Variants in QDPR observed in about 807,000 individuals in gnomAD.
QDPR encodes the protein dihydropteridine reductase.
In QDPR, 23 loss-of-function variants were observed where a neutral mutation model predicts 31.7. The observed-to-expected ratio is 0.73, with a 90% CI of 0.52 to 1.03. QDPR has a LOEUF of 1.03. Ranked by LOEUF, QDPR falls within the 50% of genes least tolerant of loss-of-function variation. The probability of loss-of-function intolerance (pLI) is 0.00; values close to 1 mark genes in which losing one functional copy is unlikely to be tolerated. For missense variants in QDPR, 324 were observed against 323.8 expected (o/e 1.00, Z 0.00); for synonymous variants, 124 against 124.7 (o/e 0.99, Z 0.03).
intron 4 of QDPR, among the ~76,000 whole-genome samples, chr4:17,501,020 T>C (rs1323019900): frequency 6.6e-6 from 1 of 152,228 alleles, no homozygotes; most frequent in African/African-American, 2.4e-5. Flanking sequence ...CATGTGCACT[T>C]TCTACATAGC....
intron 3 of QDPR, among the ~76,000 whole-genome samples, chr4:17,503,087 A>T (rs752753050): frequency 7.9e-5 from 12 of 152,212 alleles, no homozygotes; most frequent in Non-Finnish European, 1.3e-4. Flanking sequence ...TCTAGACCCA[A>T]ATTCCAGTTC....
chr4:17,497,314 C>A (rs908294740), intron 4 of QDPR, among the ~76,000 whole-genome samples: 8 of 152,008 alleles, frequency 5.3e-5, no homozygotes, highest in Middle Eastern at 3.2e-3. Flanking sequence ...TAATACAGTG[C>A]CTTGTCTTTT....
intron 5 of QDPR, among the ~76,000 whole-genome samples, chr4:17,491,954 C>T (rs1447263754): frequency 5.3e-5 from 8 of 152,166 alleles, no homozygotes; most frequent in Admixed American, 5.2e-4. Flanking sequence ...TGAGCCCTCG[C>T]CAGGCACCAA....
Position 17,509,251 on chromosome 4 carries a change from G to T in QDPR, c.198+20C>A. On this transcript the variant is annotated intron_variant, in intron 2 of 6. Transcript: ENST00000281243. ...CCCCAGGGTTCCCCTCACAATGTTTGGGGGCCTTTTTGAAACTACCTGGTC... is the reference window on the plus strand; with the variant it reads ...CCCCAGGGTTCCCCTCACAATGTTTTGGGGCCTTTTTGAAACTACCTGGTC... 1 of 1,597,654 alleles carries T rather than the reference G, an allele frequency of 6.3e-7. No individual in the cohort carries two copies. Among genetic ancestry groups the T allele is most frequent in the Non-Finnish European group, 8.6e-7 (1 of 1,165,244 alleles).
chr4:17,508,908 G>A (rs1353524646), intron 2 of QDPR, among the ~76,000 whole-genome samples: 1 of 152,000 alleles, frequency 6.6e-6, no homozygotes, highest in East Asian at 1.9e-4. Context: ...CCTGTAATCC[G>A]AGCACTTTGG....
At chr4:17,497,290 A>G (rs921416788) in intron 4 of QDPR, among the ~76,000 whole-genome samples, 3 of 152,156 alleles carry the variant, frequency 2.0e-5, no homozygotes, top group African/African-American at 4.8e-5. Context: ...TGATTAAATT[A>G]TTTAAATAAA....
In QDPR at chr4:17,512,026, G is replaced by A. The variant is rs371735382; in HGVS notation, c.29C>T (p.Ala10Val). The change falls in exon 1 of 7, where the codon GCG (alanine) becomes GTG (valine). Residue 10 changes from alanine to valine, a missense_variant. Physicochemically the swap from Ala to Val is moderately conservative, Grantham distance 64. Transcript: ENST00000281243. MAAAAAAGE[A>V]RRVLVYGGRG... ...GCCGCCGTACACCAGCACCCGGCGC[G>A]CCTCGCCTGCAGCCGCCGCCGCCGC... 163 of 1,605,270 alleles carry A rather than the reference G, an allele frequency of 1.0e-4. No homozygotes were observed. Among genetic ancestry groups the A allele is most frequent in the Non-Finnish European group, 1.3e-4 (152 of 1,177,030 alleles).
intron 4 of QDPR, among the ~76,000 whole-genome samples, chr4:17,495,987 G>C (rs1718337201): frequency 6.6e-6 from 1 of 151,570 alleles, no homozygotes; most frequent in Admixed American, 6.6e-5. Flanking sequence ...CTCCAGCCTG[G>C]GTGACAGAGC....
intron 4 of QDPR, among the ~76,000 whole-genome samples, chr4:17,493,269 C>T (rs888220359): frequency 6.6e-6 from 1 of 152,154 alleles, no homozygotes; most frequent in Admixed American, 6.5e-5. Flanking sequence ...CGTAGTGGGA[C>T]CCCATCTCTA....
At chr4:17,487,916 A>G (rs1191806947) in intron 6 of QDPR, among the ~76,000 whole-genome samples, 1 of 152,192 alleles carries the variant, frequency 6.6e-6, no homozygotes, top group Non-Finnish European at 1.5e-5. Flanking sequence ...GCATAAGTTT[A>G]ACTTTCATTT....
Position 17,490,744 on chromosome 4 carries a change from C to A in QDPR, c.547G>T (p.Val183Phe). ...PGAAAIAVLP[V>F]TLDTPMNRKS... ...CTGTTCATCGGGGTATCCAGGGTAA[C>A]CCTGCAATGGACACAGATAAGCACG... The change falls in exon 6 of 7, where the codon GTT becomes TTT. Residue 183 changes from valine (V) to phenylalanine (F), a missense_variant and splice_region_variant. Transcript: ENST00000281243. 6.2e-7 allele frequency: 1 copy of A among 1,612,984 alleles called. No homozygotes were observed. The highest frequency in any genetic ancestry group is 2.2e-5 in the East Asian group (1 of 44,876).
intron 5 of QDPR, among the ~76,000 whole-genome samples, chr4:17,491,040 A>G (rs1189287655): frequency 6.6e-6 from 1 of 152,216 alleles, no homozygotes. Flanking sequence ...TTTAAAAAAG[A>G]GTCTTCACTG....
chr4:17,488,438 T>C (rs770190650), intron 6 of QDPR, among the ~76,000 whole-genome samples: 1 of 151,516 alleles, frequency 6.6e-6, no homozygotes, highest in Non-Finnish European at 1.5e-5. Context: ...CACCAAACAA[T>C]GGAAAAAGAG....
Position 17,487,105 on chromosome 4 carries a change from G to A in QDPR, c.*26C>T. The A allele has an allele frequency of 6.3e-7, 1 of 1,575,190 alleles. No homozygotes were observed. The highest frequency in any genetic ancestry group is 1.7e-5 in the Admixed American group (1 of 59,958). Reference sequence around the variant, plus strand: ...GACAGGTTAGTGACTTTTCTGGCAGGCCCCTCATAGGCACTGAGATGAGGC... The same window carrying A: ...GACAGGTTAGTGACTTTTCTGGCAGACCCCTCATAGGCACTGAGATGAGGC... On this transcript the variant is annotated 3_prime_UTR_variant, in exon 7 of 7. Transcript: ENST00000281243.
rs1718173340 is a variant in QDPR at position 17,491,809 on chromosome 4, A to ACAAAACACAAACCCCTC, written c.545+422_545+423insGAGGGGTTTGTGTTTTG. 3.9e-5 allele frequency among the ~76,000 whole-genome samples: 6 copies of ACAAAACACAAACCCCTC among 152,248 alleles called. No individual in the cohort carries two copies. The South Asian group carries it at 1.2e-3, about 32-fold the overall frequency. On this transcript the variant is annotated intron_variant, in intron 5 of 6. Transcript: ENST00000281243. Reference sequence around the variant, plus strand: ...AAAACACAAACTGCAACATAATAGTATTAAGAGGTGGGGTCTGCAGGAGAC... The same window carrying ACAAAACACAAACCCCTC: ...AAAACACAAACTGCAACATAATAGTACAAAACACAAACCCCTCTTAAGAGGTGGGGTCTGCAGGAGAC...
At chr4:17,490,568 G>T in intron 6 of QDPR, 94 bp downstream of exon 6, 9 of 1,047,638 alleles carry the variant, frequency 8.6e-6, no homozygotes, top group East Asian at 2.5e-5. Context: ...CCGGATTGAC[G>T]ATCTCAGGGA....
At chr4:17,511,908 C>T in intron 1 of QDPR, 42 bp downstream of exon 1, 2 of 1,587,376 alleles carry the variant, frequency 1.3e-6, no homozygotes, top group Non-Finnish European at 1.7e-6. Flanking sequence ...AAGCCCCCGG[C>T]CACCCCCGCG....
At position 17,490,762 on chromosome 4, in the gene QDPR, T is replaced by G. The variant is rs1461573358; in HGVS notation, c.546-17A>C. On this transcript the variant is annotated splice_polypyrimidine_tract_variant and intron_variant, in intron 5 of 6. Transcript: ENST00000281243. ...AGGGTAACCCTGCAATGGACACAGA[T>G]AAGCACGTCATTCATGTCGCTCCTT... The G allele has an allele frequency of 6.2e-7, 1 of 1,602,952 alleles. No individual in the cohort carries two copies.
chr4:17,498,851 A>C (rs1425606091), intron 4 of QDPR, among the ~76,000 whole-genome samples: 1 of 152,206 alleles, frequency 6.6e-6, no homozygotes, highest in Non-Finnish European at 1.5e-5. Flanking sequence ...AGTTTGAGGG[A>C]CTACTAAGCC....
Sources: gnomAD v4.1 joint callset for allele counts (sites outside exome capture counted in the v4.1 genomes callset) on GRCh38, gnomAD v4.1.1 for gene constraint, MANE v1.5 for transcripts, NCBI Gene and HGNC (gene_info 2026-07-23, HGNC 2026-07-21) for gene names.